SSBP2: variants seen among roughly 807,000 people sequenced by gnomAD.
The protein encoded by SSBP2 is single stranded DNA binding protein 2.
In SSBP2, 17 loss-of-function variants were observed where a neutral mutation model predicts 61.8. The observed-to-expected ratio is 0.28, with a 90% CI of 0.19 to 0.41. The LOEUF is 0.41. Ranked by LOEUF, SSBP2 falls within the 10% of genes least tolerant of loss-of-function variation. The pLI is 1.00. For missense variants in SSBP2, 310 were observed against 458.7 expected (o/e 0.68, Z 2.96); for synonymous variants, 139 against 141.3 (o/e 0.98, Z 0.12).
At chr5:81,697,486 A>C (rs1182126570) in intron 1 of SSBP2, among the ~76,000 whole-genome samples, 2 of 152,190 alleles carry the variant, frequency 1.3e-5, no homozygotes, top group African/African-American at 4.8e-5. Context: ...ATTTATATGG[A>C]ATGTTTCATT....
intron 1 of SSBP2, among the ~76,000 whole-genome samples, chr5:81,721,178 C>T (rs530609269): frequency 6.6e-6 from 1 of 152,152 alleles, no homozygotes; most frequent in African/African-American, 2.4e-5. Flanking sequence ...CCTACTACTG[C>T]TTGATGAGAT....
intron 9 of SSBP2, among the ~76,000 whole-genome samples, chr5:81,462,931 GAAT>G (rs1451893394): frequency 1.3e-5 from 2 of 151,832 alleles, no homozygotes; most frequent in Non-Finnish European, 2.9e-5. Flanking sequence ...TGCATAAATA[GAAT>G]AAACTATTTT....
intron 1 of SSBP2, among the ~76,000 whole-genome samples, chr5:81,696,403 G>A (rs1360083724): frequency 2.0e-5 from 3 of 151,904 alleles, no homozygotes; most frequent in South Asian, 4.1e-4. Flanking sequence ...ACCATAATAC[G>A]TAAAGGAAGA....
intron 6 of SSBP2, among the ~76,000 whole-genome samples, chr5:81,482,330 C>T (rs1055527567): frequency 2.6e-5 from 4 of 152,150 alleles, no homozygotes; most frequent in African/African-American, 9.6e-5. Context: ...TGTATTACCC[C>T]CTAATAAGAG....
intron 1 of SSBP2, among the ~76,000 whole-genome samples, chr5:81,683,917 T>G (rs1465646146): frequency 6.6e-6 from 1 of 152,218 alleles, no homozygotes. Context: ...ATGCAAATAT[T>G]TGAATGGCCA....
chr5:81,517,861 T>C (rs1319554919), intron 4 of SSBP2, among the ~76,000 whole-genome samples: 1 of 140,246 alleles, frequency 7.1e-6, no homozygotes, highest in Non-Finnish European at 1.5e-5. Context: ...AACCTTCTTA[T>C]TTTTAAATTT....
chr5:81,517,735 T>C (rs1337007713), intron 4 of SSBP2, among the ~76,000 whole-genome samples: 1 of 152,158 alleles, frequency 6.6e-6, no homozygotes, highest in East Asian at 1.9e-4. Context: ...ATTATGTGAC[T>C]GATTTTTAAA....
chr5:81,462,229 T>C (rs1201672678), intron 9 of SSBP2, among the ~76,000 whole-genome samples: 2 of 152,116 alleles, frequency 1.3e-5, no homozygotes, highest in East Asian at 3.9e-4. Flanking sequence ...TACAAATTTG[T>C]GTTGGGTCAC....
chr5:81,663,576 T>G (rs185030573), intron 1 of SSBP2, among the ~76,000 whole-genome samples: 1 of 152,208 alleles, frequency 6.6e-6, no homozygotes, highest in African/African-American at 2.4e-5. Context: ...CATTTGATTA[T>G]GCCTCACAAT....
At chr5:81,539,533 T>C (rs1771082921) in intron 4 of SSBP2, among the ~76,000 whole-genome samples, 1 of 152,200 alleles carries the variant, frequency 6.6e-6, no homozygotes, top group African/African-American at 2.4e-5. Flanking sequence ...CAAACAGTAT[T>C]GTATGCTATT....
intron 4 of SSBP2, among the ~76,000 whole-genome samples, chr5:81,589,958 A>C (rs2153511377): frequency 6.6e-6 from 1 of 152,226 alleles, no homozygotes; most frequent in Non-Finnish European, 1.5e-5. Flanking sequence ...CTCATGATCT[A>C]AACACCTCCT....
intron 4 of SSBP2, among the ~76,000 whole-genome samples, chr5:81,552,414 G>A (rs769752344): frequency 4.3e-4 from 65 of 152,090 alleles, no homozygotes; most frequent in Non-Finnish European, 8.2e-4. Flanking sequence ...CCAGGTGGGT[G>A]GATCACTTGA....
intron 1 of SSBP2, among the ~76,000 whole-genome samples, chr5:81,723,107 C>A (rs1755645697): frequency 1.3e-5 from 2 of 151,952 alleles, no homozygotes; most frequent in Non-Finnish European, 2.9e-5. Context: ...TAAATTAAGA[C>A]AAATCTCTTT....
rs745970666 is a variant in SSBP2, at chr5:81,437,416, T to C, written c.957+14A>G. On this transcript the variant is annotated intron_variant, in intron 15 of 16. Transcript: ENST00000320672. ...AATTCTGATTAAAAACAACACAGAA[T>C]ACACAGCACTCACCTTGGAAATACT... 6.2e-7 allele frequency: 1 copy of C among 1,601,746 alleles called. No homozygotes were observed. Among genetic ancestry groups the C allele is most frequent in the South Asian group, 1.1e-5 (1 of 87,650 alleles).
At chr5:81,560,998 T>C (rs1165684154) in intron 4 of SSBP2, among the ~76,000 whole-genome samples, 1 of 152,204 alleles carries the variant, frequency 6.6e-6, no homozygotes. Flanking sequence ...CATGTCCTAC[T>C]GCTGCTGACT....
At chr5:81,640,606 T>C (rs540423755) in intron 2 of SSBP2, among the ~76,000 whole-genome samples, 1 of 152,248 alleles carries the variant, frequency 6.6e-6, no homozygotes. Flanking sequence ...TAAGAAATAA[T>C]ATTTAATGAG....
chr5:81,656,072 A>AGT (rs1750182255), intron 1 of SSBP2, among the ~76,000 whole-genome samples: 1 of 152,130 alleles, frequency 6.6e-6, no homozygotes. Context: ...TATGAGACGG[A>AGT]GTCTTGCTCT....
intron 6 of SSBP2, among the ~76,000 whole-genome samples, chr5:81,488,060 A>T (rs77332736): frequency 0.01 from 574 of 56,482 alleles, 21 homozygotes; most frequent in South Asian, 0.048. Context: ...TATATATATA[A>T]ATAAAATATC....
chr5:81,562,527 A>G (rs760499130), intron 4 of SSBP2, among the ~76,000 whole-genome samples: 1 of 152,214 alleles, frequency 6.6e-6, no homozygotes, highest in Admixed American at 6.5e-5. Context: ...GATACAATGT[A>G]AATATGATAT....
Sources: gnomAD v4.1 joint callset for allele counts (sites outside exome capture counted in the v4.1 genomes callset) on GRCh38, gnomAD v4.1.1 for gene constraint, MANE v1.5 for transcripts, NCBI Gene and HGNC (gene_info 2026-07-23, HGNC 2026-07-21) for gene names.